APTX: variants seen among roughly 807,000 people sequenced by gnomAD.
APTX encodes forkhead-associated domain histidine triad-like protein.
Under a neutral mutation model 42.3 loss-of-function variants are expected in APTX, and 33 were observed. The observed-to-expected ratio is 0.78, with a 90% CI of 0.59 to 1.04. The LOEUF (loss-of-function observed/expected upper bound fraction) is 1.04, where lower values mean the gene tolerates loss of function less well. Ranked by LOEUF, APTX falls within the 50% of genes least tolerant of loss-of-function variation. The pLI is 0.00. For synonymous variants in APTX, 130 were observed against 146.7 expected, an observed-to-expected ratio of 0.89 and a Z score of 0.82; for missense variants, 421 against 415.1, an observed-to-expected ratio of 1.01 and a Z score of -0.12.
At chr9:33,022,820 T>C (rs991325328) in intron 1 of APTX, among the ~76,000 whole-genome samples, 4 of 152,196 alleles carry the variant, frequency 2.6e-5, no homozygotes, top group African/African-American at 9.7e-5. Flanking sequence ...TACGTAAGAA[T>C]GCTTCTTAAA....
intron 6 of APTX, among the ~76,000 whole-genome samples, chr9:32,980,603 G>C (rs1830470342): frequency 6.6e-6 from 1 of 152,256 alleles, no homozygotes; most frequent in Admixed American, 6.5e-5. Context: ...AGAAAGGACG[G>C]ATAGGGAGGA....
chr9:32,989,605 A>G (rs1833056978), intron 2 of APTX, 154 bp downstream of exon 2: 10 of 1,152,064 alleles, frequency 8.7e-6, no homozygotes, highest in Non-Finnish European at 1.3e-5. Context: ...TCAGGAATAA[A>G]TAGGGCCCTG....
At position 33,023,704 on chromosome 9, in the gene APTX, G is replaced by C. The variant is rs150483863; in HGVS notation, c.-5+1319C>G. Among the ~76,000 whole-genome samples, 667 of 152,334 alleles carry C rather than the reference G, an allele frequency of 4.4e-3. 5 individuals carry two copies. Among genetic ancestry groups the C allele is most frequent in the African/African-American group, 0.015 (642 of 41,562 alleles). On this transcript the variant is annotated intron_variant, in intron 1 of 6. Transcript: ENST00000436040. ...TGCAAAAGCATACAAAGGTGAAAAG[G>C]CGTATATGGGAAACTGCGGATAGTT...
intron 1 of APTX, among the ~76,000 whole-genome samples, chr9:33,021,447 A>T (rs58068436): frequency 0.043 from 5,585 of 129,776 alleles, 308 homozygotes; most frequent in African/African-American, 0.13. Flanking sequence ...TAAACATATT[A>T]AAAAAAATAC....
intron 6 of APTX, among the ~76,000 whole-genome samples, chr9:32,983,373 G>C (rs1537253): frequency 0.41 from 62,198 of 151,776 alleles, 14,174 homozygotes; most frequent in South Asian, 0.56. Context: ...GGATTAACTG[G>C]AAAGGGGCAC....
At chr9:33,019,150 G>A (rs1255629081) in intron 1 of APTX, among the ~76,000 whole-genome samples, 1 of 152,148 alleles carries the variant, frequency 6.6e-6, no homozygotes, top group Non-Finnish European at 1.5e-5. Flanking sequence ...AAGACTGAGT[G>A]CGGAATAACA....
chr9:32,972,787 G>C lies in APTX; in HGVS notation c.*711C>G, dbSNP rs1828360496. ...CTCAAACAAATTAACTTTATTTTCA[G>C]ACAACAGGTCCAAGAAGACTTCACA... On this transcript the variant is annotated 3_prime_UTR_variant, in exon 8 of 8. Transcript: ENST00000379817. The C allele has an allele frequency of 2.2e-6, 1 of 453,906 alleles. No homozygotes were observed. The allele number at this position is 453,906 out of a possible 1,614,324, so 28.1% of individuals were successfully genotyped here.
At chr9:33,004,717 C>A (rs1837006106), upstream of APTX, among the ~76,000 whole-genome samples, 1 of 150,676 alleles carries the variant, frequency 6.6e-6, no homozygotes, top group South Asian at 2.1e-4. Context: ...CCTGCAACCT[C>A]CACCTCGCGG....
chr9:32,982,225 A>C (rs2118595398), intron 6 of APTX, among the ~76,000 whole-genome samples: 1 of 152,322 alleles, frequency 6.6e-6, no homozygotes, highest in Admixed American at 6.5e-5. Context: ...GACGTCCTAA[A>C]GACAATTAGC....
chr9:32,989,878 C>G lies in APTX; in HGVS notation c.14G>C (p.Cys5Ser), dbSNP rs1292407556. 1.2e-6 allele frequency: 2 copies of G among 1,614,124 alleles called. No individual in the cohort carries two copies. Among genetic ancestry groups the G allele is most frequent in the African/African-American group, 2.7e-5 (2 of 75,052 alleles). Residue 5 changes from cysteine (C) to serine (S), a missense_variant, in exon 2 of 8, where the codon TGC (cysteine) becomes TCC (serine). Coordinates refer to ENST00000379817, the MANE Select transcript of APTX (RefSeq NM_001195248.2). Reference protein sequence around the residue: MMRVCWLVRQDSRHQ... With the variant: MMRVSWLVRQDSRHQ... ...CCGGCTGTCCTGTCTCACCAACCAG[C>G]ACACCCGCATCATCACTCTAAGGGA...
chr9:32,990,582 G>C (rs1811597418), intron 1 of APTX, among the ~76,000 whole-genome samples: 1 of 152,132 alleles, frequency 6.6e-6, no homozygotes, highest in Admixed American at 6.5e-5. Flanking sequence ...AGTGCAGTAG[G>C]ACAGACAGAA....
intron 1 of APTX, chr9:33,001,321 C>T (rs1223678481): frequency 1.3e-6 from 2 of 1,517,822 alleles, no homozygotes; most frequent in Non-Finnish European, 1.8e-6. Flanking sequence ...GTGTTGCGAC[C>T]AAGGTACATA....
chr9:32,974,654 A>T (rs1176993682), intron 6 of APTX, 93 bp from the exon 7 acceptor site: 1 of 724,530 alleles, frequency 1.4e-6, no homozygotes, highest in Non-Finnish European at 2.5e-6. Context: ...GTATATTCAT[A>T]CTATTGAATA....
chr9:33,016,670 C>A (rs779838019), intron 1 of APTX, among the ~76,000 whole-genome samples: 1 of 80,118 alleles, frequency 1.2e-5, no homozygotes, highest in Non-Finnish European at 3.5e-5. Context: ...GCATTACACT[C>A]CCCCCCCCAT....
intron 1 of APTX, among the ~76,000 whole-genome samples, chr9:33,023,770 AG>A: frequency 6.6e-6 from 1 of 152,364 alleles, no homozygotes. Flanking sequence ...GAAAGAGAAA[AG>A]GCTGAAGAGG....
rs773121052 is a variant in APTX, at chr9:33,001,526, G to C, written c.-5+41C>G. 25 of 1,613,114 alleles carry C rather than the reference G, an allele frequency of 1.5e-5. No individual in the cohort carries two copies. The Admixed American group carries it at 2.3e-4, about 15-fold the overall frequency. On this transcript the variant is annotated intron_variant, in intron 1 of 7. Coordinates refer to ENST00000379817, the MANE Select transcript of APTX (RefSeq NM_001195248.2). ...CGGCCGAACGCTCACCCGCGGCATT[G>C]AGCCCAGCCAGCAGAAGAGATAGGC...
chr9:32,992,394 G>T (rs992620463), intron 1 of APTX, among the ~76,000 whole-genome samples: 1 of 152,222 alleles, frequency 6.6e-6, no homozygotes. Flanking sequence ...TCCTGTATTA[G>T]CCAGTACAGG....
At chr9:33,002,866 C>G (rs1055354299), upstream of APTX, among the ~76,000 whole-genome samples, 4 of 152,164 alleles carry the variant, frequency 2.6e-5, no homozygotes, top group African/African-American at 7.2e-5. Flanking sequence ...TATGATGAAG[C>G]TATCAGAGCC....
intron 1 of APTX, among the ~76,000 whole-genome samples, chr9:32,998,093 A>G (rs1267774785): frequency 6.6e-6 from 1 of 152,224 alleles, no homozygotes; most frequent in Non-Finnish European, 1.5e-5. Flanking sequence ...GAATGTGATA[A>G]GAGTTAAGTC....
Sources: allele counts gnomAD v4.1 joint callset (sites outside exome capture counted in the v4.1 genomes callset), GRCh38; gene constraint gnomAD v4.1.1; transcripts MANE v1.5; gene names NCBI Gene and HGNC (gene_info 2026-07-23, HGNC 2026-07-21).